Variants in CRPPA observed in about 807,000 individuals in gnomAD.
CRPPA encodes the protein D-ribitol-5-phosphate cytidylyltransferase.
A neutral mutation model predicts 52.0 loss-of-function variants in CRPPA; 43 were observed. The observed-to-expected ratio is 0.83, with a 90% CI of 0.65 to 1.07. CRPPA has a LOEUF of 1.07. CRPPA is among the 50% of genes least tolerant of loss of function. CRPPA has a pLI of 0.00. For synonymous variants in CRPPA, 250 were observed against 203.5 expected, an observed-to-expected ratio of 1.23 and a Z score of -1.94; for missense variants, 629 against 551.7, an observed-to-expected ratio of 1.14 and a Z score of -1.40.
At chr7:16,127,591 T>C (rs1186131145) in intron 9 of CRPPA, among the ~76,000 whole-genome samples, 1 of 151,934 alleles carries the variant, frequency 6.6e-6, no homozygotes, top group African/African-American at 2.4e-5. Context: ...TTGAAAACAC[T>C]GCAAATAACT....
Position 16,376,261 on chromosome 7 carries a change from A to G in CRPPA, c.535-20T>C. On this transcript the variant is annotated intron_variant, in intron 2 of 9. Transcript: ENST00000407010. ...TGCTGCCTGAAGAACAAAGAGGCAA[A>G]GAATATATTTCACCTACAAGCCATT... 1 of 1,580,522 alleles carries G rather than the reference A, an allele frequency of 6.3e-7. No homozygotes were observed. The highest frequency in any genetic ancestry group is 8.6e-7 in the Non-Finnish European group (1 of 1,164,016).
intron 2 of CRPPA, among the ~76,000 whole-genome samples, chr7:16,402,661 T>G (rs1787848805): frequency 6.6e-6 from 1 of 151,772 alleles, no homozygotes. Flanking sequence ...TTTTAAATGT[T>G]TGTTTTAAAA....
At chr7:16,125,466 T>C (rs1782560015) in intron 9 of CRPPA, among the ~76,000 whole-genome samples, 2 of 151,970 alleles carry the variant, frequency 1.3e-5, no homozygotes, top group South Asian at 2.1e-4. Context: ...TGCAACCCAA[T>C]AGAATAGTTT....
rs532505889 is a variant in CRPPA, at chr7:16,091,381, A to C, written c.*314T>G. ...TTCTAAATTCTCATTCCTTGAAAGAATAGCTCACCCCATCATTATTTCTAT... is the reference window on the plus strand; with the variant it reads ...TTCTAAATTCTCATTCCTTGAAAGACTAGCTCACCCCATCATTATTTCTAT... On this transcript the variant is annotated 3_prime_UTR_variant, in exon 10 of 10. Transcript: ENST00000407010. 6 of 207,636 alleles carry C rather than the reference A, an allele frequency of 2.9e-5. No individual in the cohort carries two copies. The highest frequency in any genetic ancestry group is 5.7e-5 in the Non-Finnish European group (6 of 105,306). The allele number at this position is 207,636 out of a possible 1,614,324, so 12.9% of individuals were successfully genotyped here. A position where few individuals can be genotyped will look rare whatever the true frequency, so the allele number is the denominator to read the frequency against.
At chr7:16,182,144 G>A (rs1252301361) in intron 9 of CRPPA, among the ~76,000 whole-genome samples, 41 of 152,032 alleles carry the variant, frequency 2.7e-4, no homozygotes, top group East Asian at 7.7e-4. Flanking sequence ...GCTGAAATAC[G>A]TTGTTTAACA....
At chr7:16,306,112 C>A (rs1028427816) in intron 4 of CRPPA, among the ~76,000 whole-genome samples, 1 of 152,152 alleles carries the variant, frequency 6.6e-6, no homozygotes, top group African/African-American at 2.4e-5. Context: ...CTCTTCTATT[C>A]TTGTACAGAT....
chr7:16,371,731 T>C (rs1786754246), intron 3 of CRPPA, among the ~76,000 whole-genome samples: 1 of 151,018 alleles, frequency 6.6e-6, no homozygotes, highest in Non-Finnish European at 1.5e-5. Context: ...AAATGCCAGA[T>C]ATAAGAATTC....
chr7:16,364,160 T>A lies in CRPPA; in HGVS notation c.684+11932A>T, dbSNP rs538209757. Among the ~76,000 whole-genome samples the A allele has an allele frequency of 2.0e-5, 3 of 152,346 alleles. No individual in the cohort carries two copies. The East Asian group carries it at 5.8e-4, about 29-fold the overall frequency. On this transcript the variant is annotated intron_variant, in intron 3 of 9. Coordinates refer to ENST00000407010, the MANE Select transcript of CRPPA (RefSeq NM_001101426.4). ...CCTTTACACTTACGTGCCTGAAAGTTAAAGTTGTGTCTTTTTACATTAAGG... is the reference window on the plus strand; with the variant it reads ...CCTTTACACTTACGTGCCTGAAAGTAAAAGTTGTGTCTTTTTACATTAAGG...
chr7:16,203,319 T>C (rs940524950), intron 9 of CRPPA, among the ~76,000 whole-genome samples: 1 of 152,026 alleles, frequency 6.6e-6, no homozygotes, highest in Non-Finnish European at 1.5e-5. Flanking sequence ...TTCATGAAGT[T>C]TGGGTGGAGC....
At chr7:16,103,791 T>C (rs763645757) in intron 9 of CRPPA, among the ~76,000 whole-genome samples, 9 of 152,124 alleles carry the variant, frequency 5.9e-5, no homozygotes, top group Non-Finnish European at 1.3e-4. Context: ...TGATAACTTA[T>C]AGGAGGGATA....
chr7:16,099,829 A>G (rs184425376), intron 9 of CRPPA, among the ~76,000 whole-genome samples: 37 of 152,346 alleles, frequency 2.4e-4, no homozygotes, highest in African/African-American at 8.9e-4. Context: ...TGTCATATAC[A>G]ACATCCTTTT....
intron 9 of CRPPA, among the ~76,000 whole-genome samples, chr7:16,101,598 A>G (rs1199194473): frequency 2.0e-5 from 3 of 152,054 alleles, no homozygotes; most frequent in Non-Finnish European, 4.4e-5. Flanking sequence ...TTTAAAAAAA[A>G]AACAGCTCCT....
chr7:16,154,318 T>C (rs558208481), intron 9 of CRPPA, among the ~76,000 whole-genome samples: 1 of 152,200 alleles, frequency 6.6e-6, no homozygotes, highest in African/African-American at 2.4e-5. Context: ...GCTGCACTTA[T>C]TGACCTGTCC....
chr7:16,316,777 A>G (rs536769490), intron 3 of CRPPA, among the ~76,000 whole-genome samples: 1 of 152,230 alleles, frequency 6.6e-6, no homozygotes, highest in East Asian at 1.9e-4. Context: ...GAATCACTTG[A>G]GCCCGGGAGT....
intron 9 of CRPPA, among the ~76,000 whole-genome samples, chr7:16,174,342 A>G (rs1781251086): frequency 6.6e-6 from 1 of 152,140 alleles, no homozygotes; most frequent in African/African-American, 2.4e-5. Context: ...GGTAGATAGT[A>G]TTTGTGGACC....
intron 9 of CRPPA, among the ~76,000 whole-genome samples, chr7:16,151,577 A>G (rs552009047): frequency 2.5e-4 from 38 of 152,228 alleles, no homozygotes; most frequent in African/African-American, 8.9e-4. Context: ...AGATGGGTAG[A>G]AAAACATTTT....
chr7:16,356,296 A>C (rs974974824), intron 3 of CRPPA, among the ~76,000 whole-genome samples: 6 of 152,304 alleles, frequency 3.9e-5, no homozygotes, highest in Middle Eastern at 3.4e-3. Context: ...TCTTGGGTAA[A>C]ATACCACAAC....
At chr7:16,368,411 T>C (rs1786664607) in intron 3 of CRPPA, among the ~76,000 whole-genome samples, 1 of 152,210 alleles carries the variant, frequency 6.6e-6, no homozygotes, top group African/African-American at 2.4e-5. Flanking sequence ...AATACCTAGT[T>C]ACATGGAAAA....
At chr7:16,339,229 A>C (rs1376073642) in intron 3 of CRPPA, among the ~76,000 whole-genome samples, 1 of 152,168 alleles carries the variant, frequency 6.6e-6, no homozygotes. Flanking sequence ...CAAAAACAAA[A>C]AAAGACATTA....
Sources: gnomAD v4.1 joint callset for allele counts (sites outside exome capture counted in the v4.1 genomes callset) on GRCh38, gnomAD v4.1.1 for gene constraint, MANE v1.5 for transcripts, NCBI Gene and HGNC (gene_info 2026-07-23, HGNC 2026-07-21) for gene names.